Variants in MTUS1 observed in about 807,000 individuals in gnomAD.
The protein encoded by MTUS1 is microtubule-associated tumor suppressor 1.
A neutral mutation model predicts 120.8 loss-of-function variants in MTUS1; 109 were observed. The observed-to-expected ratio is 0.90, with a 90% CI of 0.77 to 1.06. The LOEUF (loss-of-function observed/expected upper bound fraction) is 1.06. Ranked by LOEUF, MTUS1 falls within the 50% of genes least tolerant of loss-of-function variation. The pLI, the probability that MTUS1 is intolerant of heterozygous loss-of-function variation, is 0.00. For synonymous variants in MTUS1, 737 were observed against 550.5 expected (o/e 1.34, Z -4.74); for missense variants, 2,210 against 1,486.3 (o/e 1.49, Z -8.01).
Position 17,676,461 on chromosome 8 carries a change from C to T in MTUS1, c.2839-1209G>A, listed in dbSNP as rs552466301. The T allele has an allele frequency of 3.0e-5, 19 of 643,202 alleles. No homozygotes were observed. The East Asian group carries it at 4.1e-4, about 14-fold the overall frequency. The allele number at this position is 643,202 out of a possible 1,614,324, so 39.8% of individuals were successfully genotyped here. Reference sequence around the variant, plus strand: ...AGGAGGCGCGCCATTGGCCCTCGGGCGTCTTACTTCATGTCCTGCAGGTTA... The same window carrying T: ...AGGAGGCGCGCCATTGGCCCTCGGGTGTCTTACTTCATGTCCTGCAGGTTA... On this transcript the variant is annotated intron_variant, in intron 7 of 14. Transcript: ENST00000693296.
At chr8:17,784,752 TC>T (rs777614490) in intron 1 of MTUS1, among the ~76,000 whole-genome samples, 236 of 151,808 alleles carry the variant, frequency 1.6e-3, no homozygotes, top group Non-Finnish European at 2.0e-3. Flanking sequence ...AGCTTCCTTA[TC>T]CCTGTTACAG....
In MTUS1 at chr8:17,644,320, T is replaced by C. The variant is rs966464391; in HGVS notation, c.*1606A>G. The stretch of plus-strand genomic sequence containing the variant: ...GTATCAACTTGCTATGTAGTGTACA[T>C]GTAAATGACCCAAATATTCACCTCT... On this transcript the variant is annotated 3_prime_UTR_variant, in exon 15 of 15. Coordinates refer to ENST00000693296, the MANE Select transcript of MTUS1 (RefSeq NM_001363059.2). 1 of 152,676 alleles carries C rather than the reference T, an allele frequency of 6.5e-6. No homozygotes were observed. The highest frequency in any genetic ancestry group is 2.4e-5 in the African/African-American group (1 of 41,464). 9.5% of individuals were successfully genotyped at this position (152,676 alleles called of 1,614,324 possible).
chr8:17,697,148 CT>C, intron 6 of MTUS1: 4 of 1,385,906 alleles, frequency 2.9e-6, no homozygotes, highest in Non-Finnish European at 3.9e-6. Flanking sequence ...TTAGAGAGAG[CT>C]TTTTTCCTCC....
intron 6 of MTUS1, among the ~76,000 whole-genome samples, chr8:17,700,063 CTTAAT>C (rs1388345556): frequency 2.0e-5 from 3 of 151,964 alleles, no homozygotes; most frequent in Non-Finnish European, 4.4e-5. Flanking sequence ...TTTTAAAAGT[CTTAAT>C]TTAAGAGGAA....
chr8:17,662,149 T>G (rs1019514219), intron 8 of MTUS1, among the ~76,000 whole-genome samples: 2 of 152,088 alleles, frequency 1.3e-5, no homozygotes, highest in African/African-American at 4.8e-5. Flanking sequence ...GCCACCTGTG[T>G]GTGCTCTCAC....
intron 2 of MTUS1, among the ~76,000 whole-genome samples, chr8:17,750,657 A>G (rs1337728414): frequency 1.3e-5 from 2 of 152,174 alleles, no homozygotes; most frequent in Admixed American, 6.5e-5. Context: ...GTTATTGGGA[A>G]GAGTAAATAA....
At chr8:17,789,129 T>C (rs751012297) in intron 1 of MTUS1, among the ~76,000 whole-genome samples, 3 of 151,634 alleles carry the variant, frequency 2.0e-5, no homozygotes, top group Non-Finnish European at 4.4e-5. Flanking sequence ...GCCTCCCAGG[T>C]TCAAGCGATT....
intron 8 of MTUS1, among the ~76,000 whole-genome samples, chr8:17,673,852 A>G (rs1812519747): frequency 6.6e-6 from 1 of 152,206 alleles, no homozygotes; most frequent in South Asian, 2.1e-4. Flanking sequence ...TCAGGTTGGC[A>G]GTGTGGTCTT....
intron 1 of MTUS1, among the ~76,000 whole-genome samples, chr8:17,781,704 T>C (rs748096542): frequency 6.6e-6 from 1 of 152,198 alleles, no homozygotes; most frequent in Non-Finnish European, 1.5e-5. Context: ...CACCTGTCTT[T>C]AGACAGCACC....
intron 4 of MTUS1, chr8:17,721,994 G>GT: frequency 7.2e-7 from 1 of 1,381,854 alleles, no homozygotes; most frequent in Non-Finnish European, 9.4e-7. Context: ...TCGAATGGAG[G>GT]GAAAAAAAAA....
At chr8:17,714,894 CTTTTTTTTTTTTTTT>C (rs34479493) in intron 5 of MTUS1, among the ~76,000 whole-genome samples, 2 of 55,170 alleles carry the variant, frequency 3.6e-5, no homozygotes, top group African/African-American at 1.5e-4. Flanking sequence ...ACAAATAATG[CTTTTTTTTTTTTTTT>C]TTTTTTTTTT....
intron 9 of MTUS1, among the ~76,000 whole-genome samples, chr8:17,655,577 A>G (rs1808024417): frequency 6.6e-6 from 1 of 152,128 alleles, no homozygotes; most frequent in Non-Finnish European, 1.5e-5. Context: ...TACAAAAATT[A>G]GCTGGGCATG....
At chr8:17,651,242 A>G (rs949062699) in intron 12 of MTUS1, among the ~76,000 whole-genome samples, 4 of 152,184 alleles carry the variant, frequency 2.6e-5, no homozygotes, top group Non-Finnish European at 5.9e-5. Context: ...GCATACAAAC[A>G]TACAGTTAGA....
chr8:17,673,351 C>G (rs926285098), intron 8 of MTUS1, among the ~76,000 whole-genome samples: 1 of 152,136 alleles, frequency 6.6e-6, no homozygotes, highest in African/African-American at 2.4e-5. Context: ...ATTTCCACAG[C>G]CTAAAATAAA....
chr8:17,755,594 A>C lies in MTUS1; in HGVS notation c.214T>G (p.Leu72Val). ...AATACTTCAACACCCTGAAGGCTTA[A>C]AGAAATATTTTCACCAGTAACTACA... ...PAVVTGENIS[L>V]SLQGVEVFGH... Residue 72 changes from leucine (L) to valine (V), a missense_variant, in exon 2 of 15, where the codon TTA becomes GTA. By Grantham distance (32) the Leu-to-Val change is conservative. Transcript: ENST00000693296. 1 of 1,614,164 alleles carries C rather than the reference A, an allele frequency of 6.2e-7. No homozygotes were observed. Among genetic ancestry groups the C allele is most frequent in the Non-Finnish European group, 8.5e-7 (1 of 1,180,020 alleles).
intron 1 of MTUS1, among the ~76,000 whole-genome samples, chr8:17,784,122 A>G (rs2051105848): frequency 6.6e-6 from 1 of 152,132 alleles, no homozygotes; most frequent in South Asian, 2.1e-4. Flanking sequence ...GTTAAATAAA[A>G]TAACATCTCT....
chr8:17,742,113 C>T (rs1393235863), intron 3 of MTUS1, among the ~76,000 whole-genome samples: 2 of 151,982 alleles, frequency 1.3e-5, no homozygotes, highest in African/African-American at 4.8e-5. Flanking sequence ...CACCAAGGGA[C>T]AGGGTTTTGC....
intron 4 of MTUS1, among the ~76,000 whole-genome samples, chr8:17,720,230 A>G (rs920177927): frequency 6.6e-6 from 1 of 152,032 alleles, no homozygotes; most frequent in African/African-American, 2.4e-5. Flanking sequence ...CTATAATCCC[A>G]GCTACTTGGG....
intron 8 of MTUS1, chr8:17,674,436 A>G: frequency 1.0e-6 from 1 of 979,782 alleles, no homozygotes. Flanking sequence ...AAAGAAAAAG[A>G]AACAGAAAAG....
Sources: allele counts gnomAD v4.1 joint callset (sites outside exome capture counted in the v4.1 genomes callset), GRCh38; gene constraint gnomAD v4.1.1; transcripts MANE v1.5; gene names NCBI Gene and HGNC (gene_info 2026-07-23, HGNC 2026-07-21).